The following SV2C variants were observed in gnomAD, a reference collection of about 807,000 sequenced individuals.
SV2C encodes synaptic vesicle glycoprotein 2C.
In SV2C, 49 loss-of-function variants were observed where a neutral mutation model predicts 79.7. That is an observed-to-expected ratio of 0.61 (90% CI 0.49 to 0.78). The LOEUF is 0.78. Ranked by LOEUF, SV2C falls within the 30% of genes least tolerant of loss-of-function variation. The pLI, the probability that SV2C is intolerant of heterozygous loss-of-function variation, is 0.00. For synonymous variants in SV2C, 334 were observed against 333.2 expected (o/e 1.00, Z -0.03); for missense variants, 833 against 912.9 (o/e 0.91, Z 1.13).
At chr5:76,027,297 G>A in the SV2C span, among the ~76,000 whole-genome samples, 2 of 151,810 alleles carry the variant, frequency 1.3e-5, no homozygotes, top group African/African-American at 4.8e-5. Flanking sequence ...CCTGACCTCA[G>A]GTGATCCACC....
intron 4 of SV2C, among the ~76,000 whole-genome samples, chr5:76,242,670 T>G (rs933461752): frequency 2.6e-5 from 4 of 152,122 alleles, no homozygotes; most frequent in African/African-American, 9.7e-5. Flanking sequence ...TCCAGGTGTG[T>G]CTGACTTGAA....
At chr5:76,133,530 A>G (rs539253777) in intron 2 of SV2C, among the ~76,000 whole-genome samples, 1 of 152,246 alleles carries the variant, frequency 6.6e-6, no homozygotes, top group South Asian at 2.1e-4. Flanking sequence ...TTCCTTTAAC[A>G]CTTGTTTCTT....
the SV2C span, chr5:75,910,456 A>C: frequency 3.3e-6 from 2 of 600,232 alleles, no homozygotes; most frequent in Non-Finnish European, 3.1e-6. Flanking sequence ...CTTCAGCTGC[A>C]CTAAGGAAGT....
the SV2C span, chr5:75,910,929 T>C: frequency 1.1e-6 from 1 of 923,890 alleles, no homozygotes; most frequent in Non-Finnish European, 1.8e-6. Context: ...GTGAAGGGAC[T>C]ATCAAGCAGC....
intron 4 of SV2C, among the ~76,000 whole-genome samples, chr5:76,224,302 C>T (rs916941561): frequency 5.9e-5 from 9 of 152,084 alleles, no homozygotes; most frequent in African/African-American, 1.2e-4. Flanking sequence ...TCCATAAGAA[C>T]GCCCCATCTC....
chr5:76,004,355 G>A, the SV2C span, among the ~76,000 whole-genome samples: 34 of 152,260 alleles, frequency 2.2e-4, no homozygotes, highest in African/African-American at 7.0e-4. Context: ...TGTGTTGGAC[G>A]TCAACTAAGC....
At chr5:75,969,272 G>A in the SV2C span, among the ~76,000 whole-genome samples, 1 of 152,066 alleles carries the variant, frequency 6.6e-6, no homozygotes. Context: ...ATCAACTAAT[G>A]AGCAAAATAA....
chr5:76,057,811 A>T, the SV2C span, among the ~76,000 whole-genome samples: 8 of 152,130 alleles, frequency 5.3e-5, no homozygotes, highest in Non-Finnish European at 1.2e-4. Context: ...GGCTTCACCA[A>T]TTGGACTAAT....
At chr5:76,017,767 C>G in the SV2C span, among the ~76,000 whole-genome samples, 1 of 152,136 alleles carries the variant, frequency 6.6e-6, no homozygotes, top group African/African-American at 2.4e-5. Context: ...TAAAATCCAC[C>G]TCCCTCAAAT....
the SV2C span, among the ~76,000 whole-genome samples, chr5:76,044,973 A>G: frequency 6.6e-6 from 1 of 152,068 alleles, no homozygotes; most frequent in Non-Finnish European, 1.5e-5. Flanking sequence ...TTATGTTTTC[A>G]TCATGGAATC....
intron 3 of SV2C, among the ~76,000 whole-genome samples, chr5:76,202,506 A>T (rs995791405): frequency 6.6e-6 from 1 of 152,180 alleles, no homozygotes; most frequent in Admixed American, 6.5e-5. Flanking sequence ...ACTCAACCAG[A>T]AATGTCTCTG....
chr5:76,024,988 A>T, the SV2C span, among the ~76,000 whole-genome samples: 7 of 152,238 alleles, frequency 4.6e-5, no homozygotes, highest in East Asian at 1.4e-3. Context: ...ATAGACACGG[A>T]TCCTCACCTA....
chr5:75,952,257 T>A, the SV2C span, among the ~76,000 whole-genome samples: 6,089 of 106,750 alleles, frequency 0.057, 308 homozygotes, highest in African/African-American at 0.14. Context: ...TTTCCTTCCT[T>A]CCTTCCTTCC....
At chr5:75,950,356 G>A in the SV2C span, among the ~76,000 whole-genome samples, 209 of 151,916 alleles carry the variant, frequency 1.4e-3, no homozygotes, top group Non-Finnish European at 2.4e-3. Context: ...AATATTCTAT[G>A]GCTTACAAAA....
chr5:76,191,519 T>C (rs887970715), intron 2 of SV2C, among the ~76,000 whole-genome samples: 3 of 152,180 alleles, frequency 2.0e-5, no homozygotes, highest in Non-Finnish European at 4.4e-5. Flanking sequence ...CCTAAAGTTG[T>C]TCTGTTTTGT....
rs1749027760 is a variant in SV2C at position 76,326,943 on chromosome 5, C to T, written c.*1396C>T. 1 of 152,198 alleles carries T rather than the reference C, an allele frequency of 6.6e-6. No individual in the cohort carries two copies. Among genetic ancestry groups the T allele is most frequent in the Non-Finnish European group, 1.5e-5 (1 of 68,044 alleles). The allele number at this position is 152,198 out of a possible 1,614,324, so 9.4% of individuals were successfully genotyped here. A position where few individuals can be genotyped will look rare whatever the true frequency, so the allele number is the denominator to read the frequency against. ...CTGAACCTTCCTTGTAGACTTGCAGCCAATGACCAGAAGCCAGGAATAAAT... is the reference window on the plus strand; with the variant it reads ...CTGAACCTTCCTTGTAGACTTGCAGTCAATGACCAGAAGCCAGGAATAAAT... On this transcript the variant is annotated 3_prime_UTR_variant, in exon 13 of 13. Coordinates refer to ENST00000502798, the MANE Select transcript of SV2C (RefSeq NM_014979.4).
At chr5:75,929,160 A>C in the SV2C span, among the ~76,000 whole-genome samples, 17 of 151,598 alleles carry the variant, frequency 1.1e-4, no homozygotes, top group African/African-American at 4.1e-4. Flanking sequence ...CCAACCTACT[A>C]GTCAGCTCTG....
intron 4 of SV2C, among the ~76,000 whole-genome samples, chr5:76,254,250 A>ATG (rs1319585965): frequency 3.3e-5 from 5 of 149,340 alleles, no homozygotes; most frequent in African/African-American, 1.3e-4. Flanking sequence ...GTATATATAT[A>ATG]TATATATAGA....
At chr5:75,892,689 G>C in the SV2C span, among the ~76,000 whole-genome samples, 2 of 151,964 alleles carry the variant, frequency 1.3e-5, no homozygotes, top group African/African-American at 2.4e-5. Flanking sequence ...GTAGTGTTTG[G>C]TTTTCTGTTT....
Sources: gnomAD v4.1 joint callset for allele counts (sites outside exome capture counted in the v4.1 genomes callset) on GRCh38, gnomAD v4.1.1 for gene constraint, MANE v1.5 for transcripts, NCBI Gene and HGNC (gene_info 2026-07-23, HGNC 2026-07-21) for gene names.